The following RIPOR3 variants were observed in gnomAD, a reference collection of about 807,000 sequenced individuals.
The protein encoded by RIPOR3 is RIPOR family member 3.
A neutral mutation model predicts 114.3 loss-of-function variants in RIPOR3; 95 were observed. The ratio of observed to expected loss-of-function variants is 0.83; its 90% CI spans 0.70 to 0.99. The LOEUF (loss-of-function observed/expected upper bound fraction) is 0.99, where lower values mean the gene tolerates loss of function less well. RIPOR3 is among the 50% of genes least tolerant of loss of function. The pLI is 0.00. For synonymous variants in RIPOR3, 575 were observed against 543.8 expected, an observed-to-expected ratio of 1.06 and a Z score of -0.80; for missense variants, 1,252 against 1,266.9, an observed-to-expected ratio of 0.99 and a Z score of 0.18.
At chr20:50,597,372 TCACC>T in intron 14 of RIPOR3, 1 of 658,142 alleles carries the variant, frequency 1.5e-6, no homozygotes, top group African/African-American at 1.8e-5. Context: ...TGGGGTGATC[TCACC>T]CACTTCGTGG....
At chr20:50,680,465 G>A (rs1400286311) in intron 1 of RIPOR3, among the ~76,000 whole-genome samples, 1 of 152,232 alleles carries the variant, frequency 6.6e-6, no homozygotes, top group Non-Finnish European at 1.5e-5. Flanking sequence ...CTGTTCTCAA[G>A]CAGAACTAAT....
At chr20:50,613,453 GA>G (rs1421288114) in intron 4 of RIPOR3, among the ~76,000 whole-genome samples, 3 of 150,558 alleles carry the variant, frequency 2.0e-5, no homozygotes, top group African/African-American at 4.9e-5. Context: ...AATCCATCCC[GA>G]AAAAAAAGAA....
intron 1 of RIPOR3, among the ~76,000 whole-genome samples, chr20:50,682,932 G>C (rs2086905213): frequency 6.6e-6 from 1 of 151,990 alleles, no homozygotes; most frequent in Non-Finnish European, 1.5e-5. Context: ...TCTCCATGTT[G>C]GTCAGGCTGG....
chr20:50,670,336 G>A (rs1334476070), intron 1 of RIPOR3, among the ~76,000 whole-genome samples: 1 of 151,916 alleles, frequency 6.6e-6, no homozygotes, highest in East Asian at 1.9e-4. Context: ...CTCCTCCTGG[G>A]AAGTCTCGTC....
intron 1 of RIPOR3, among the ~76,000 whole-genome samples, chr20:50,644,836 T>C (rs1042913238): frequency 8.5e-6 from 1 of 117,312 alleles, no homozygotes; most frequent in Non-Finnish European, 1.6e-5. Flanking sequence ...ATTTATTTTT[T>C]ATTTTTTATT....
At chr20:50,684,016 G>A (rs1430442524) in intron 1 of RIPOR3, among the ~76,000 whole-genome samples, 1 of 151,978 alleles carries the variant, frequency 6.6e-6, no homozygotes, top group African/African-American at 2.4e-5. Flanking sequence ...GGGAGGCAGA[G>A]GTTGCAGTGA....
Position 50,596,775 on chromosome 20 carries a change from G to A in RIPOR3, c.1791-512C>T, listed in dbSNP as rs75057603. ...ACTCGTCCGTGGGATTGTGAGAGGC[G>A]AGGAGAAGGAATTGAGCCTCTGCTC... On this transcript the variant is annotated intron_variant, in intron 14 of 21. Transcript: ENST00000327979. Among the ~76,000 whole-genome samples the A allele has an allele frequency of 3.7e-3, 569 of 152,340 alleles. 2 individuals are homozygous for A. Among genetic ancestry groups the A allele is most frequent in the African/African-American group, 0.013 (534 of 41,584 alleles).
intron 2 of RIPOR3, among the ~76,000 whole-genome samples, chr20:50,621,923 A>G (rs1455529859): frequency 6.6e-6 from 1 of 152,156 alleles, no homozygotes; most frequent in Non-Finnish European, 1.5e-5. Context: ...AAGACTGATT[A>G]TAGGAGTACG....
intron 1 of RIPOR3, among the ~76,000 whole-genome samples, chr20:50,640,880 T>C (rs1246356983): frequency 1.3e-5 from 2 of 152,074 alleles, no homozygotes; most frequent in Non-Finnish European, 2.9e-5. Context: ...AATGTATTCA[T>C]TGTTATAGCA....
At chr20:50,598,298 C>T (rs1249318491) in intron 13 of RIPOR3, among the ~76,000 whole-genome samples, 1 of 152,072 alleles carries the variant, frequency 6.6e-6, no homozygotes, top group African/African-American at 2.4e-5. Flanking sequence ...GGCCACCAAC[C>T]CGCCACTGGT....
At chr20:50,625,418 C>T (rs1156588238) in intron 2 of RIPOR3, among the ~76,000 whole-genome samples, 1 of 152,184 alleles carries the variant, frequency 6.6e-6, no homozygotes, top group African/African-American at 2.4e-5. Context: ...TCTCCTGACA[C>T]AGTCTTTGAG....
intron 12 of RIPOR3, 146 bp downstream of exon 12, chr20:50,604,499 C>A: frequency 8.0e-7 from 1 of 1,245,876 alleles, no homozygotes; most frequent in Non-Finnish European, 1.1e-6. Context: ...AGAAAGTGCA[C>A]AGGAAAACAC....
intron 1 of RIPOR3, among the ~76,000 whole-genome samples, chr20:50,640,105 C>T (rs2085134712): frequency 6.6e-6 from 1 of 152,106 alleles, no homozygotes; most frequent in Non-Finnish European, 1.5e-5. Context: ...CAGTATTGCT[C>T]GGGCACCTTC....
intron 4 of RIPOR3, among the ~76,000 whole-genome samples, chr20:50,612,067 G>A (rs772741450): frequency 4.0e-5 from 6 of 150,938 alleles, no homozygotes; most frequent in Admixed American, 2.0e-4. Context: ...GGAGGTTGCA[G>A]TGATCTAAGA....
intron 5 of RIPOR3, 73 bp from the exon 6 acceptor site, chr20:50,610,979 C>T: frequency 7.1e-7 from 1 of 1,409,514 alleles, no homozygotes; most frequent in East Asian, 2.3e-5. Context: ...CCCCTGCCAC[C>T]CTCCTACAGG....
chr20:50,669,767 A>T (rs948187058), intron 1 of RIPOR3, among the ~76,000 whole-genome samples: 2 of 151,956 alleles, frequency 1.3e-5, no homozygotes, highest in African/African-American at 4.8e-5. Flanking sequence ...GGTAGGTGAC[A>T]CCTCATTAAG....
At chr20:50,681,663 A>C (rs1253710122) in intron 1 of RIPOR3, among the ~76,000 whole-genome samples, 5 of 152,230 alleles carry the variant, frequency 3.3e-5, no homozygotes, top group African/African-American at 1.2e-4. Context: ...TGCATGCAAC[A>C]GTGCCTGTCA....
chr20:50,590,090 C>A, intron 19 of RIPOR3: 3 of 308,848 alleles, frequency 9.7e-6, no homozygotes, highest in South Asian at 9.2e-5. Flanking sequence ...ATGCCCAGCT[C>A]AGAACAACAG....
chr20:50,591,545 G>A (rs1310807850), intron 19 of RIPOR3, among the ~76,000 whole-genome samples: 2 of 152,158 alleles, frequency 1.3e-5, no homozygotes, highest in Non-Finnish European at 2.9e-5. Context: ...AGGCGGATGG[G>A]CTCCAAGAAG....
Sources: allele counts gnomAD v4.1 joint callset (sites outside exome capture counted in the v4.1 genomes callset), GRCh38; gene constraint gnomAD v4.1.1; transcripts MANE v1.5; gene names NCBI Gene and HGNC (gene_info 2026-07-23, HGNC 2026-07-21).